The following ACACA variants were observed in gnomAD, a reference collection of about 807,000 sequenced individuals.
The protein encoded by ACACA is acetyl-CoA carboxylase alpha, also known as acetyl-CoA carboxylase 1.
ACACA carries 103 observed loss-of-function variants against 296.1 expected under a neutral mutation model. The observed-to-expected ratio is 0.35, with a 90% CI of 0.30 to 0.41. ACACA has a LOEUF of 0.41. ACACA is among the 10% of genes least tolerant of loss of function. The probability of loss-of-function intolerance (pLI) is 1.00; values close to 1 mark genes in which losing one functional copy is unlikely to be tolerated. For synonymous variants in ACACA, 953 were observed against 1,038.6 expected (o/e 0.92, Z 1.58); for missense variants, 1,554 against 2,989.7 (o/e 0.52, Z 11.20).
In ACACA at chr17:37,259,565, C is replaced by T. The variant is rs1362201406; in HGVS notation, c.1330-35G>A. On this transcript the variant is annotated intron_variant, in intron 11 of 55. Transcript: ENST00000616317. ...GAGAGATAAGCAAACATAAGTATCT[C>T]ACCTTATCCAACTGCTAGACCACTA... 1.9e-6 allele frequency: 3 copies of T among 1,612,680 alleles called. No homozygotes were observed. In the South Asian group the frequency reaches 3.3e-5, roughly 18 times the overall value.
chr17:37,177,273 T>C (rs1258396738), intron 41 of ACACA, among the ~76,000 whole-genome samples: 2 of 84,078 alleles, frequency 2.4e-5, no homozygotes, highest in Non-Finnish European at 4.5e-5. Flanking sequence ...AAAATTCGTG[T>C]GTGTGTGTGT....
chr17:37,283,301 G>A lies in ACACA; in HGVS notation c.576C>T (p.Val192=). The A allele has an allele frequency of 6.2e-7, 1 of 1,614,120 alleles. No homozygotes were observed. Among genetic ancestry groups the A allele is most frequent in the Non-Finnish European group, 8.5e-7 (1 of 1,180,008 alleles). ...FRNERAIRFV[V]MVTPEDLKAN... ...CTTTAAGGTCTTCAGGTGTGACCAT[G>A]ACAACGAATCTAATTGCACGTTCAT... Residue 192 remains valine, a synonymous_variant, in exon 5 of 56, where the codon GTC becomes GTT. Transcript: ENST00000616317.
At chr17:37,246,669 G>A (rs1047577876) in intron 19 of ACACA, among the ~76,000 whole-genome samples, 157 bp downstream of exon 19, 1 of 152,096 alleles carries the variant, frequency 6.6e-6, no homozygotes, top group African/African-American at 2.4e-5. Flanking sequence ...CTGGGCTCAA[G>A]CGATCTTCCT....
intron 23 of ACACA, among the ~76,000 whole-genome samples, chr17:37,241,187 C>G (rs1398537177): frequency 6.6e-6 from 1 of 151,206 alleles, no homozygotes; most frequent in Admixed American, 6.6e-5. Flanking sequence ...AGTGTGAGAC[C>G]CTGTCTCCAA....
At chr17:37,108,390 A>ATT (rs371331191) in intron 52 of ACACA, among the ~76,000 whole-genome samples, 2 of 146,012 alleles carry the variant, frequency 1.4e-5, no homozygotes, top group Admixed American at 6.9e-5. Context: ...AGCAATTATG[A>ATT]TTTTTTTTTT....
intron 3 of ACACA, among the ~76,000 whole-genome samples, chr17:37,290,371 GATT>G (rs2082989933): frequency 1.3e-5 from 2 of 152,072 alleles, no homozygotes; most frequent in African/African-American, 2.4e-5. Flanking sequence ...TTTGAATGGT[GATT>G]ATTATTTATT....
At chr17:37,379,252 G>A (rs2050139700) in intron 1 of ACACA, 48 of 1,613,976 alleles carry the variant, frequency 3.0e-5, no homozygotes, top group Non-Finnish European at 4.1e-5. Context: ...TGGAGAGAAG[G>A]CCAAAGGTCA....
In ACACA at chr17:37,087,303, C is replaced by G; in HGVS notation, c.*13G>C. The G allele has an allele frequency of 1.2e-6, 2 of 1,614,018 alleles. No individual in the cohort carries two copies. The highest frequency in any genetic ancestry group is 2.2e-5 in the South Asian group (2 of 91,076). Reference sequence around the variant, plus strand: ...TCTCCAGAGACAGGGCAGGGACAGGCAGGAAGCTCTTCCTACGTGGAAGGG... The same window carrying G: ...TCTCCAGAGACAGGGCAGGGACAGGGAGGAAGCTCTTCCTACGTGGAAGGG... On this transcript the variant is annotated 3_prime_UTR_variant, in exon 56 of 56. Transcript: ENST00000616317.
intron 52 of ACACA, among the ~76,000 whole-genome samples, chr17:37,101,511 G>T (rs1306075695): frequency 6.6e-6 from 1 of 152,152 alleles, no homozygotes; most frequent in Non-Finnish European, 1.5e-5. Context: ...GACTTACCAA[G>T]GTCACAAAGC....
At chr17:37,116,748 G>T (rs1340664453) in intron 50 of ACACA, among the ~76,000 whole-genome samples, 3 of 152,214 alleles carry the variant, frequency 2.0e-5, no homozygotes, top group African/African-American at 4.8e-5. Context: ...TGAAAGGCAG[G>T]TTGAAACACT....
chr17:37,116,745 C>T (rs1299484321), intron 50 of ACACA, among the ~76,000 whole-genome samples: 2 of 152,178 alleles, frequency 1.3e-5, no homozygotes, highest in Non-Finnish European at 2.9e-5. Flanking sequence ...TTTTGAAAGG[C>T]AGGTTGAAAC....
At chr17:37,144,993 C>T (rs1397071884) in intron 45 of ACACA, among the ~76,000 whole-genome samples, 1 of 152,148 alleles carries the variant, frequency 6.6e-6, no homozygotes, top group South Asian at 2.1e-4. Context: ...AGAGAATGTG[C>T]TCTCTCTCCC....
intron 3 of ACACA, among the ~76,000 whole-genome samples, chr17:37,319,638 C>A (rs1185873922): frequency 1.3e-5 from 2 of 151,618 alleles, no homozygotes; most frequent in Admixed American, 1.3e-4. Flanking sequence ...CCCTGGGCAA[C>A]GTGGTGAGAC....
In ACACA at chr17:37,097,133, A is replaced by G. The variant is rs1479025160; in HGVS notation, c.6754T>C (p.Phe2252Leu). ...ILDWKTSRTF[F>L]YWRLRRLLLE... ...AGAAGACGCCTCAGCCGCCAGTAGAAGAAGGTACGGGATGTTTTCCAATCC... is the reference window on the plus strand; with the variant it reads ...AGAAGACGCCTCAGCCGCCAGTAGAGGAAGGTACGGGATGTTTTCCAATCC... The change falls in exon 54 of 56, where the codon TTC (phenylalanine) becomes CTC (leucine). Residue 2252 changes from phenylalanine to leucine, a missense_variant. Phe to Leu is a conservative substitution (Grantham distance 22, BLOSUM62 0). This residue lies in a region of ACACA where 553 missense variants were observed against 1,043.6 expected (regional missense o/e 0.53). Coordinates refer to ENST00000616317, the MANE Select transcript of ACACA (RefSeq NM_198834.3). The surrounding 1 kb of genome is among the most constrained non-coding windows in gnomAD (Gnocchi z 4.8). 3 of 1,614,024 alleles carry G rather than the reference A, an allele frequency of 1.9e-6. No individual in the cohort carries two copies. Among genetic ancestry groups the G allele is most frequent in the Non-Finnish European group, 2.5e-6 (3 of 1,180,034 alleles).
rs1428593496 is a variant in ACACA at position 37,281,275 on chromosome 17, T to G, written c.610+1992A>C. On this transcript the variant is annotated intron_variant, in intron 5 of 55. Coordinates refer to ENST00000616317, the MANE Select transcript of ACACA (RefSeq NM_198834.3). ...GGTTTCATCATGTTGACCAGGCTGG[T>G]CCCAAACTCCTGACCTCAAGTGATC... 3.3e-5 allele frequency among the ~76,000 whole-genome samples: 5 copies of G among 151,980 alleles called. No homozygotes were observed. In the South Asian group the frequency reaches 6.2e-4, roughly 19 times the overall value.
At chr17:37,381,908 T>G (rs1018186049) in intron 1 of ACACA, among the ~76,000 whole-genome samples, 2 of 152,242 alleles carry the variant, frequency 1.3e-5, no homozygotes, top group South Asian at 4.1e-4. Context: ...ATTACAGGCG[T>G]GAGCCACTGC....
intron 11 of ACACA, among the ~76,000 whole-genome samples, chr17:37,261,290 T>G (rs141029129): frequency 9.8e-5 from 15 of 152,292 alleles, no homozygotes; most frequent in African/African-American, 3.4e-4. Context: ...GGCCCCAAGA[T>G]AGCCAATATT....
intron 3 of ACACA, among the ~76,000 whole-genome samples, chr17:37,307,681 G>A (rs1481978337): frequency 1.3e-5 from 2 of 152,032 alleles, no homozygotes; most frequent in African/African-American, 4.8e-5. Flanking sequence ...CCACCTCCTA[G>A]GTTCAAGTGG....
intron 18 of ACACA, 134 bp downstream of exon 18, chr17:37,247,877 T>G (rs1224581331): frequency 1.3e-5 from 13 of 1,003,600 alleles, no homozygotes; most frequent in Non-Finnish European, 1.8e-5. Flanking sequence ...TTTTGTTAAG[T>G]GCATGTACTA....
Sources: gnomAD v4.1 joint callset for allele counts (sites outside exome capture counted in the v4.1 genomes callset) on GRCh38, gnomAD v4.1.1 for gene constraint, gnomAD v4.1.1 regional missense constraint, Gnocchi (gnomAD v3.1) non-coding constraint, MANE v1.5 for transcripts, NCBI Gene and HGNC (gene_info 2026-07-23, HGNC 2026-07-21) for gene names.